The following VTI1A variants were observed in gnomAD, a reference collection of about 807,000 sequenced individuals.
VTI1A encodes the protein vesicle transport through interaction with t-SNAREs 1A, also known as vesicle transport through interaction with t-SNAREs homolog 1A.
In VTI1A, 22 loss-of-function variants were observed where a neutral mutation model predicts 34.9. The observed-to-expected ratio is 0.63, with a 90% CI of 0.45 to 0.90. The LOEUF is 0.90. VTI1A is among the 40% of genes least tolerant of loss of function. VTI1A has a pLI of 0.00. For missense variants in VTI1A, 268 were observed against 275.6 expected (o/e 0.97, Z 0.20); for synonymous variants, 87 against 97.3 (o/e 0.89, Z 0.62).
In VTI1A at chr10:112,792,991, T is replaced by C. The variant is rs185803868; in HGVS notation, c.561-22299T>C. ...TGACTCAAAAGCCTGTGATGCACTC[T>C]TGTTCCTTGCCTCGCCTGGCTCTGT... On this transcript the variant is annotated intron_variant, in intron 7 of 7. Coordinates refer to ENST00000393077, the MANE Select transcript of VTI1A (RefSeq NM_145206.4). Among the ~76,000 whole-genome samples the C allele has an allele frequency of 5.5e-3, 845 of 152,324 alleles. 6 individuals are homozygous for C. Among genetic ancestry groups the C allele is most frequent in the Middle Eastern group, 0.024 (7 of 294 alleles).
rs538087979 is a variant in VTI1A, at chr10:112,660,045, G to GC, written c.428-8169dup. Among the ~76,000 whole-genome samples the GC allele has an allele frequency of 2.6e-5, 4 of 152,122 alleles. No individual in the cohort carries two copies. The South Asian group carries it at 8.3e-4, about 31-fold the overall frequency. ...GGAATACATCTGTGGGCCTTATTTG[G>GC]CCCCGTGCTCTAGTTTTCTTATATG... On this transcript the variant is annotated intron_variant, in intron 5 of 7. Transcript: ENST00000393077.
intron 3 of VTI1A, among the ~76,000 whole-genome samples, chr10:112,466,978 G>A (rs766487656): frequency 2.0e-5 from 3 of 151,906 alleles, no homozygotes; most frequent in Non-Finnish European, 4.4e-5. Flanking sequence ...GACATCAGTC[G>A]TATTGAATTA....
Position 112,460,504 on chromosome 10 carries a change from G to C in VTI1A, c.95-20G>C. Reference sequence around the variant, plus strand: ...TTATTTGTATCTTTAGCAATTTCTTGGTATTATTGTTTGTTTCAGATGAAA... The same window carrying C: ...TTATTTGTATCTTTAGCAATTTCTTCGTATTATTGTTTGTTTCAGATGAAA... On this transcript the variant is annotated intron_variant, in intron 1 of 7. Transcript: ENST00000393077. 4 of 1,577,846 alleles carry C rather than the reference G, an allele frequency of 2.5e-6. No homozygotes were observed. Among genetic ancestry groups the C allele is most frequent in the Middle Eastern group, 1.9e-4 (1 of 5,186 alleles).
intron 7 of VTI1A, among the ~76,000 whole-genome samples, chr10:112,687,122 G>A (rs1848441537): frequency 6.6e-6 from 1 of 151,428 alleles, no homozygotes; most frequent in Non-Finnish European, 1.5e-5. Flanking sequence ...GATCCTGGAG[G>A]ACTTTAGGAA....
In VTI1A at chr10:112,780,522, G is replaced by A. The variant is rs11196104; in HGVS notation, c.561-34768G>A. ...TTCTCCTTTGCTTCTTGCAGAAGGC[G>A]TTTCCAGTGGAGGTTTTCTAAAATT... On this transcript the variant is annotated intron_variant, in intron 7 of 7. Coordinates refer to ENST00000393077, the MANE Select transcript of VTI1A (RefSeq NM_145206.4). Among the ~76,000 whole-genome samples, 1,249 of 152,070 alleles carry A rather than the reference G, an allele frequency of 8.2e-3. 11 individuals carry two copies. Among genetic ancestry groups the A allele is most frequent in the East Asian group, 0.05 (261 of 5,178 alleles).
chr10:112,819,188 T>C (rs563705761), downstream of VTI1A, among the ~76,000 whole-genome samples: 10 of 152,332 alleles, frequency 6.6e-5, no homozygotes, highest in South Asian at 1.9e-3. Flanking sequence ...AAATTTCCCA[T>C]CGTAAATATT....
rs572417208 is a variant in VTI1A at position 112,785,271 on chromosome 10, C to T, written c.561-30019C>T. On this transcript the variant is annotated intron_variant, in intron 7 of 7. Transcript: ENST00000393077. ...CCCCAGGAGCCTTCCTGAAGGCAGC[C>T]ATTCCTTCAGAATCCTTGTCAGAGG... is the stretch of plus-strand genomic sequence containing the variant. 3.9e-5 allele frequency among the ~76,000 whole-genome samples: 6 copies of T among 152,334 alleles called. No individual in the cohort carries two copies. The South Asian group carries it at 1.0e-3, about 26-fold the overall frequency.
intron 5 of VTI1A, among the ~76,000 whole-genome samples, chr10:112,623,396 T>C (rs932226932): frequency 2.6e-5 from 4 of 152,036 alleles, no homozygotes; most frequent in Non-Finnish European, 5.9e-5. Context: ...TATATATACG[T>C]AGATATATTT....
intron 5 of VTI1A, among the ~76,000 whole-genome samples, chr10:112,622,199 C>T (rs1032332412): frequency 5.9e-5 from 9 of 152,216 alleles, no homozygotes; most frequent in South Asian, 2.1e-4. Flanking sequence ...ATAAGCCAGT[C>T]GATATACCTA....
intron 5 of VTI1A, among the ~76,000 whole-genome samples, chr10:112,648,691 C>T (rs958490551): frequency 6.6e-6 from 1 of 152,160 alleles, no homozygotes; most frequent in East Asian, 1.9e-4. Context: ...TCTTTCTACT[C>T]AGCAGTCTTT....
chr10:112,732,860 A>G (rs1177251465), intron 7 of VTI1A, among the ~76,000 whole-genome samples: 3 of 152,108 alleles, frequency 2.0e-5, no homozygotes, highest in African/African-American at 7.2e-5. Flanking sequence ...CCTCCCTCTG[A>G]TATGTTTTCA....
At chr10:112,839,419 C>G in the VTI1A span, among the ~76,000 whole-genome samples, 2 of 152,000 alleles carry the variant, frequency 1.3e-5, no homozygotes, top group African/African-American at 2.4e-5. Context: ...GAGTTCCAGG[C>G]AGAGGGAAAG....
chr10:112,827,869 ATGAAACT>A, the VTI1A span: 1 of 152,208 alleles, frequency 6.6e-6, no homozygotes, highest in Non-Finnish European at 1.5e-5. Flanking sequence ...TTTTTAAATG[ATGAAACT>A]TGGAAAGATA....
intron 5 of VTI1A, among the ~76,000 whole-genome samples, chr10:112,560,393 A>G (rs1851683109): frequency 6.6e-6 from 1 of 152,092 alleles, no homozygotes; most frequent in Non-Finnish European, 1.5e-5. Flanking sequence ...TATGTCTTCA[A>G]AGAAGACTAC....
chr10:112,749,397 T>G (rs1300027216), intron 7 of VTI1A, among the ~76,000 whole-genome samples: 3 of 152,314 alleles, frequency 2.0e-5, no homozygotes, highest in Non-Finnish European at 4.4e-5. Flanking sequence ...GAATGAAGAT[T>G]GTCAAAAGTT....
intron 3 of VTI1A, among the ~76,000 whole-genome samples, chr10:112,478,876 A>T (rs1848368879): frequency 1.3e-5 from 2 of 150,930 alleles, no homozygotes; most frequent in African/African-American, 5.0e-5. Context: ...CAACATTTAG[A>T]AGTCACTATT....
chr10:112,760,929 C>CAGAT (rs1333537236), intron 7 of VTI1A, among the ~76,000 whole-genome samples: 1 of 148,314 alleles, frequency 6.7e-6, no homozygotes, highest in African/African-American at 2.5e-5. Flanking sequence ...GGAAACAATA[C>CAGAT]AGATGTTCAT....
chr10:112,721,803 T>C (rs1849816018), intron 7 of VTI1A, among the ~76,000 whole-genome samples: 1 of 151,888 alleles, frequency 6.6e-6, no homozygotes, highest in African/African-American at 2.4e-5. Context: ...TAAAGAAGAA[T>C]TGATCTGTCC....
intron 7 of VTI1A, among the ~76,000 whole-genome samples, chr10:112,763,535 A>G (rs1371822095): frequency 6.6e-6 from 1 of 151,976 alleles, no homozygotes; most frequent in Non-Finnish European, 1.5e-5. Context: ...ATGAGGTTGA[A>G]TTGAGTTCTT....
Sources: gnomAD v4.1 joint callset for allele counts (sites outside exome capture counted in the v4.1 genomes callset) on GRCh38, gnomAD v4.1.1 for gene constraint, MANE v1.5 for transcripts, NCBI Gene and HGNC (gene_info 2026-07-23, HGNC 2026-07-21) for gene names.